The following HAAO variants were observed in gnomAD, a reference collection of about 807,000 sequenced individuals.
HAAO encodes the protein 3-hydroxyanthranilate oxygenase.
A neutral mutation model predicts 46.2 loss-of-function variants in HAAO; 49 were observed. That is an observed-to-expected ratio of 1.06 (90% CI 0.84 to 1.34). The LOEUF is 1.34. Ranked by LOEUF, HAAO falls within the 40% of genes most tolerant of loss-of-function variation. HAAO has a pLI of 0.00. For missense variants in HAAO, 408 were observed against 364.5 expected (o/e 1.12, Z -0.97); for synonymous variants, 157 against 145.2 (o/e 1.08, Z -0.58).
At chr2:42,778,337 T>C (rs1671743910) in intron 4 of HAAO, among the ~76,000 whole-genome samples, 1 of 62,780 alleles carries the variant, frequency 1.6e-5, no homozygotes, top group Non-Finnish European at 3.2e-5. Flanking sequence ...TCCTGCTAAT[T>C]TTTTTTTTTG....
intron 4 of HAAO, among the ~76,000 whole-genome samples, chr2:42,773,743 C>A (rs928007883): frequency 6.6e-6 from 1 of 152,152 alleles, no homozygotes; most frequent in Non-Finnish European, 1.5e-5. Flanking sequence ...CCCGCCACCA[C>A]GCCCGACTAA....
At chr2:42,791,614 T>G (rs935852336) in intron 1 of HAAO, among the ~76,000 whole-genome samples, 3 of 152,154 alleles carry the variant, frequency 2.0e-5, no homozygotes, top group African/African-American at 7.2e-5. Context: ...AAATCCCCCC[T>G]CACGGTGCTA....
At chr2:42,770,286 C>A in intron 5 of HAAO, 100 bp from the exon 6 acceptor site, 1 of 1,026,914 alleles carries the variant, frequency 9.7e-7, no homozygotes, top group South Asian at 1.4e-5. Flanking sequence ...TGCAGGTGCC[C>A]ACACACACTC....
Position 42,767,249 on chromosome 2 carries a change from C to T in HAAO, c.*188G>A. The T allele has an allele frequency of 1.6e-6, 1 of 616,788 alleles. No homozygotes were observed. Among genetic ancestry groups the T allele is most frequent in the African/African-American group, 1.8e-5 (1 of 54,714 alleles). The allele number at this position is 616,788 out of a possible 1,614,324, so 38.2% of individuals were successfully genotyped here. On this transcript the variant is annotated 3_prime_UTR_variant, in exon 10 of 10. Transcript: ENST00000294973. ...GTCTGCCAGAGAAGATGGGGAGCTGCTGCCCGCCCAGGGGCATGGCATCTG... is the reference window on the plus strand; with the variant it reads ...GTCTGCCAGAGAAGATGGGGAGCTGTTGCCCGCCCAGGGGCATGGCATCTG...
chr2:42,778,484 C>T (rs1027280335), intron 4 of HAAO, among the ~76,000 whole-genome samples: 12 of 152,266 alleles, frequency 7.9e-5, no homozygotes, highest in South Asian at 4.1e-4. Context: ...TGCCTGTCAC[C>T]ATGCCCAGCT....
intron 4 of HAAO, among the ~76,000 whole-genome samples, chr2:42,771,945 T>A (rs1671160451): frequency 6.6e-6 from 1 of 152,172 alleles, no homozygotes; most frequent in African/African-American, 2.4e-5. Context: ...GCCTTTGGAG[T>A]GGCATTTTAA....
chr2:42,785,843 C>T (rs762313655), intron 2 of HAAO, among the ~76,000 whole-genome samples: 2 of 152,114 alleles, frequency 1.3e-5, no homozygotes, highest in African/African-American at 4.8e-5. Context: ...GCCTGGGTGA[C>T]AGAGTGAGAC....
intron 4 of HAAO, among the ~76,000 whole-genome samples, chr2:42,771,933 C>T (rs1671159610): frequency 1.3e-5 from 2 of 152,240 alleles, no homozygotes; most frequent in African/African-American, 4.8e-5. Context: ...CCTCCGGGAA[C>T]TGCCTTTGGA....
intron 2 of HAAO, among the ~76,000 whole-genome samples, chr2:42,788,101 C>G (rs737146): frequency 0.33 from 50,321 of 152,100 alleles, 10,936 homozygotes; most frequent in African/African-American, 0.6. Context: ...CTGCCACCCA[C>G]TCAGCCCAGC....
chr2:42,788,739 C>A, intron 1 of HAAO, 132 bp from the exon 2 acceptor site: 2 of 693,758 alleles, frequency 2.9e-6, no homozygotes, highest in Non-Finnish European at 2.7e-6. Context: ...CCTCACTGTC[C>A]CTGTTCCCCA....
At chr2:42,782,688 T>C (rs1003641630) in intron 4 of HAAO, 1 of 205,876 alleles carries the variant, frequency 4.9e-6, no homozygotes, top group African/African-American at 2.4e-5. Flanking sequence ...CTCACTGGCA[T>C]AAATGCATAT....
At chr2:42,784,737 G>C (rs777163480) in intron 2 of HAAO, among the ~76,000 whole-genome samples, 10 of 152,286 alleles carry the variant, frequency 6.6e-5, no homozygotes, top group Admixed American at 2.6e-4. Context: ...AAACCAAGCT[G>C]ACCTCGAGGG....
intron 7 of HAAO, 31 bp downstream of exon 7, chr2:42,769,682 G>C (rs1365258928): frequency 1.9e-6 from 3 of 1,571,490 alleles, no homozygotes; most frequent in Non-Finnish European, 1.7e-6. Flanking sequence ...TGCTGTGGGA[G>C]GATGCCCCGG....
At chr2:42,785,258 C>T (rs1043931901) in intron 2 of HAAO, among the ~76,000 whole-genome samples, 8 of 152,016 alleles carry the variant, frequency 5.3e-5, no homozygotes, top group African/African-American at 1.9e-4. Context: ...GTAAGAATGA[C>T]AAAAGTAATG....
chr2:42,783,631 G>T (rs942418958), intron 3 of HAAO, among the ~76,000 whole-genome samples, 153 bp downstream of exon 3: 1 of 152,208 alleles, frequency 6.6e-6, no homozygotes, highest in Non-Finnish European at 1.5e-5. Context: ...GGAAGAGGAA[G>T]GATGGGGAAG....
intron 4 of HAAO, among the ~76,000 whole-genome samples, chr2:42,776,954 C>T (rs1163752866): frequency 6.6e-6 from 1 of 151,262 alleles, no homozygotes; most frequent in Non-Finnish European, 1.5e-5. Flanking sequence ...TAATATGCAA[C>T]TTTAAGGCTA....
intron 1 of HAAO, among the ~76,000 whole-genome samples, chr2:42,789,983 C>G (rs1337401896): frequency 6.6e-6 from 1 of 152,164 alleles, no homozygotes; most frequent in Non-Finnish European, 1.5e-5. Context: ...AGGGGAGGCG[C>G]TGGGTCTGGG....
intron 4 of HAAO, among the ~76,000 whole-genome samples, chr2:42,781,994 T>A (rs1255393533): frequency 6.6e-6 from 1 of 152,134 alleles, no homozygotes; most frequent in Non-Finnish European, 1.5e-5. Context: ...GAGAGAAAAA[T>A]TATGTTTTGA....
rs1210813266 is a variant in HAAO at position 42,767,341 on chromosome 2, A to C, written c.*96T>G. ...TCTGTGGGGGACACAGCGGCAGTAC[A>C]CAGAGAGGTAGTGGGGGCTGGGAGA... is the stretch of plus-strand genomic sequence containing the variant. On this transcript the variant is annotated 3_prime_UTR_variant, in exon 10 of 10. Transcript: ENST00000294973. 4 of 822,432 alleles carry C rather than the reference A, an allele frequency of 4.9e-6. No homozygotes were observed. Among genetic ancestry groups the C allele is most frequent in the Non-Finnish European group, 8.3e-6 (4 of 480,654 alleles). The allele number at this position is 822,432 out of a possible 1,614,324, so 50.9% of individuals were successfully genotyped here.
Sources: allele counts gnomAD v4.1 joint callset (sites outside exome capture counted in the v4.1 genomes callset), GRCh38; gene constraint gnomAD v4.1.1; transcripts MANE v1.5; gene names NCBI Gene and HGNC (gene_info 2026-07-23, HGNC 2026-07-21).